The following CCDC18 variants were observed in gnomAD, a reference collection of about 807,000 sequenced individuals.
The protein encoded by CCDC18 is coiled-coil domain-containing protein 18.
Under a neutral mutation model 196.0 loss-of-function variants are expected in CCDC18, and 157 were observed. The observed-to-expected ratio is 0.80, with a 90% CI of 0.70 to 0.91. The LOEUF is 0.91. Among genes scored for constraint, CCDC18 ranks in the 40% least tolerant of loss-of-function variants. The pLI is 0.00. For missense variants in CCDC18, 1,465 were observed against 1,611.6 expected, an observed-to-expected ratio of 0.91 and a Z score of 1.56; for synonymous variants, 482 against 529.2, an observed-to-expected ratio of 0.91 and a Z score of 1.22.
At chr1:93,190,799 A>G in intron 4 of CCDC18, 1 of 690,550 alleles carries the variant, frequency 1.4e-6, no homozygotes, top group Non-Finnish European at 2.7e-6. Context: ...GAAAGCTTGC[A>G]TCTTTTAATA....
intron 13 of CCDC18, 102 bp from the exon 14 acceptor site, chr1:93,217,636 G>T (rs556072228): frequency 9.8e-6 from 9 of 917,282 alleles, no homozygotes; most frequent in Non-Finnish European, 1.5e-5. Context: ...ACGGGGTCTT[G>T]CCGTGTTTCC....
In CCDC18 at chr1:93,239,384, G is replaced by A. The variant is rs199941655; in HGVS notation, c.2678G>A (p.Arg893Gln). Residue 893 changes from arginine (R) to glutamine (Q), a missense_variant, in exon 20 of 29, where the codon CGA becomes CAA. Coordinates refer to ENST00000690025, the MANE Select transcript of CCDC18 (RefSeq NM_001378204.1). ...KMEKEIMHLK[R>Q]DGENKAMHLS... ...GAAAAGGAAATAATGCACCTAAAAC[G>A]AGATGGAGAAAATAAAGCAATGCAC... 158 of 1,613,190 alleles carry A rather than the reference G, an allele frequency of 9.8e-5. No homozygotes were observed. The highest frequency in any genetic ancestry group is 1.0e-4 in the Non-Finnish European group (122 of 1,179,490).
At position 93,201,968 on chromosome 1, in the gene CCDC18, G is replaced by A; in HGVS notation, c.775G>A (p.Val259Met). Reference sequence around the variant, plus strand: ...AGCTTTCCAACAATATAAAAAAAAAGTGGCTGAAAAACTGGAAAAGGTAAA... The same window carrying A: ...AGCTTTCCAACAATATAAAAAAAAAATGGCTGAAAAACTGGAAAAGGTAAA... ...SKAFQQYKKK[V>M]AEKLEKVQAE... The change falls in exon 7 of 29, where the codon GTG becomes ATG. Residue 259 changes from valine to methionine, a missense_variant. Transcript: ENST00000690025. The A allele has an allele frequency of 6.2e-7, 1 of 1,606,752 alleles. No homozygotes were observed. Among genetic ancestry groups the A allele is most frequent in the Non-Finnish European group, 8.5e-7 (1 of 1,175,566 alleles).
At chr1:93,202,425 A>T (rs770457119) in intron 7 of CCDC18, among the ~76,000 whole-genome samples, 5 of 152,210 alleles carry the variant, frequency 3.3e-5, no homozygotes, top group Non-Finnish European at 7.3e-5. Flanking sequence ...TAGAAATAAT[A>T]GTGAGTTTAT....
intron 11 of CCDC18, among the ~76,000 whole-genome samples, chr1:93,212,724 G>C (rs2102020073): frequency 6.6e-6 from 1 of 152,222 alleles, no homozygotes; most frequent in African/African-American, 2.4e-5. Context: ...ATAGAACAGT[G>C]GTCCCCAACC....
intron 8 of CCDC18, among the ~76,000 whole-genome samples, chr1:93,206,793 AT>A (rs1557625117): frequency 6.6e-6 from 1 of 152,130 alleles, no homozygotes; most frequent in African/African-American, 2.4e-5. Context: ...TTCCTGTCTT[AT>A]ATAATTAAAC....
At chr1:93,227,986 A>ATATATT (rs1345406064) in intron 17 of CCDC18, among the ~76,000 whole-genome samples, 18 of 145,924 alleles carry the variant, frequency 1.2e-4, no homozygotes, top group African/African-American at 3.2e-4. Context: ...ATATATATAT[A>ATATATT]TATTTATTTA....
At chr1:93,204,289 A>G (rs938395572) in intron 7 of CCDC18, among the ~76,000 whole-genome samples, 50 of 152,250 alleles carry the variant, frequency 3.3e-4, no homozygotes, top group African/African-American at 1.2e-3. Context: ...AGTGGATAAA[A>G]ACAGAAAAAA....
chr1:93,253,205 T>C (rs1010558465), intron 23 of CCDC18, among the ~76,000 whole-genome samples: 1 of 152,024 alleles, frequency 6.6e-6, no homozygotes, highest in South Asian at 2.1e-4. Context: ...GGAGCTAGAG[T>C]TGAGACTGGG....
intron 6 of CCDC18, among the ~76,000 whole-genome samples, chr1:93,199,585 G>C (rs1013871218): frequency 1.3e-5 from 2 of 152,230 alleles, no homozygotes; most frequent in Non-Finnish European, 2.9e-5. Flanking sequence ...AACGTAGTGA[G>C]CAGGGGGCGT....
At chr1:93,265,035 G>C in intron 27 of CCDC18, 134 bp downstream of exon 27, 1 of 609,680 alleles carries the variant, frequency 1.6e-6, no homozygotes, top group Non-Finnish European at 2.9e-6. Context: ...ATTTGATTTA[G>C]AAGATGTTGA....
chr1:93,183,965 CT>C lies in CCDC18; in HGVS notation c.135-7del. 1 of 1,455,340 alleles carries C rather than the reference CT, an allele frequency of 6.9e-7. No homozygotes were observed. The highest frequency in any genetic ancestry group is 1.4e-5 in the African/African-American group (1 of 69,696). The allele number at this position is 1,455,340 out of a possible 1,614,324, so 90.2% of individuals were successfully genotyped here. A position where few individuals can be genotyped will look rare whatever the true frequency, so the allele number is the denominator to read the frequency against. On this transcript the variant is annotated splice_polypyrimidine_tract_variant and intron_variant, in intron 2 of 28. Coordinates refer to ENST00000690025, the MANE Select transcript of CCDC18 (RefSeq NM_001378204.1). ...ATCCAAGAACTGAAATATGTTTTTT[CT>C]TTTTTCTCTAGTGTTAGTCCAAGTG...
At chr1:93,208,285 A>G (rs1331856888) in intron 9 of CCDC18, among the ~76,000 whole-genome samples, 4 of 150,354 alleles carry the variant, frequency 2.7e-5, no homozygotes, top group African/African-American at 9.7e-5. Context: ...TATTATAACC[A>G]TCTTAGTGGG....
intron 21 of CCDC18, among the ~76,000 whole-genome samples, chr1:93,242,856 A>G (rs1026095532): frequency 2.1e-4 from 32 of 152,222 alleles, no homozygotes; most frequent in Non-Finnish European, 3.5e-4. Context: ...TTTTGACTCC[A>G]TGTCTCACAT....
intron 27 of CCDC18, among the ~76,000 whole-genome samples, chr1:93,265,123 T>C (rs1414548233): frequency 1.3e-5 from 2 of 152,200 alleles, no homozygotes; most frequent in Non-Finnish European, 2.9e-5. Flanking sequence ...TATAAACTCA[T>C]CTAATCATAA....
At chr1:93,232,771 G>C (rs76981404) in intron 18 of CCDC18, among the ~76,000 whole-genome samples, 178 bp downstream of exon 18, 159 of 152,314 alleles carry the variant, frequency 1.0e-3, no homozygotes, top group African/African-American at 3.5e-3. Context: ...AGGAGTTCGA[G>C]ACGAGCCTGG....
intron 23 of CCDC18, among the ~76,000 whole-genome samples, chr1:93,252,014 T>G (rs1253743107): frequency 2.3e-5 from 3 of 132,678 alleles, no homozygotes; most frequent in African/African-American, 1.1e-4. Context: ...TCTATCTATC[T>G]GTCTGTCTAT....
Position 93,256,487 on chromosome 1 carries a change from A to G in CCDC18, c.3495A>G (p.Ile1165Met). ...AGCAAGTCCAAGCACAGAGAGAAATAGAAAGGCTCTCTAGTGAACTGGAGG... is the reference window on the plus strand; with the variant it reads ...AGCAAGTCCAAGCACAGAGAGAAATGGAAAGGCTCTCTAGTGAACTGGAGG... The part of the protein sequence containing the change: ...RHQQVQAQRE[I>M]ERLSSELEDM... The change falls in exon 25 of 29, where the codon ATA becomes ATG. Residue 1165 changes from isoleucine to methionine, a missense_variant. Transcript: ENST00000690025. 1 of 1,614,140 alleles carries G rather than the reference A, an allele frequency of 6.2e-7. No individual in the cohort carries two copies. The highest frequency in any genetic ancestry group is 8.5e-7 in the Non-Finnish European group (1 of 1,179,974).
At chr1:93,273,226 G>A (rs1158285249) in intron 28 of CCDC18, among the ~76,000 whole-genome samples, 5 of 152,004 alleles carry the variant, frequency 3.3e-5, no homozygotes, top group East Asian at 3.9e-4. Context: ...CCGCCACCAC[G>A]CCCGGCTAAT....
Sources: gnomAD v4.1 joint callset for allele counts (sites outside exome capture counted in the v4.1 genomes callset) on GRCh38, gnomAD v4.1.1 for gene constraint, MANE v1.5 for transcripts, NCBI Gene and HGNC (gene_info 2026-07-23, HGNC 2026-07-21) for gene names.